LEPR: variants seen among roughly 807,000 people sequenced by gnomAD.
The protein encoded by LEPR is leptin receptor.
LEPR carries 56 observed loss-of-function variants against 114.7 expected under a neutral mutation model. That is an observed-to-expected ratio of 0.49 (90% CI 0.39 to 0.61). The LOEUF is 0.61. LEPR is among the 20% of genes least tolerant of loss of function. The pLI, the probability that LEPR is intolerant of heterozygous loss-of-function variation, is 0.00. For synonymous variants in LEPR, 443 were observed against 461.4 expected, an observed-to-expected ratio of 0.96 and a Z score of 0.51; for missense variants, 1,202 against 1,352.9, an observed-to-expected ratio of 0.89 and a Z score of 1.75.
At chr1:65,428,756 A>C (rs888371097) in intron 2 of LEPR, among the ~76,000 whole-genome samples, 9 of 152,228 alleles carry the variant, frequency 5.9e-5, no homozygotes, top group South Asian at 4.1e-4. Context: ...ATGAAGCATA[A>C]GAAATGTCTG....
intron 2 of LEPR, chr1:65,432,972 CA>C: frequency 1.0e-6 from 1 of 985,154 alleles, no homozygotes; most frequent in Non-Finnish European, 1.2e-6. Flanking sequence ...CTCTCTCCCC[CA>C]AAAAAACATC....
intron 2 of LEPR, among the ~76,000 whole-genome samples, chr1:65,445,828 G>C (rs1169455753): frequency 6.6e-6 from 1 of 151,800 alleles, no homozygotes. Flanking sequence ...AAATTAACCT[G>C]CTAACAGGAA....
chr1:65,588,873 A>G (rs1318112646), intron 5 of LEPR, among the ~76,000 whole-genome samples: 1 of 152,142 alleles, frequency 6.6e-6, no homozygotes, highest in Non-Finnish European at 1.5e-5. Flanking sequence ...TGACTGTTAC[A>G]AATGAAGTTG....
rs561038603 is a variant in LEPR, at chr1:65,623,994, T to A, written c.2673+1013T>A. Among the ~76,000 whole-genome samples the A allele has an allele frequency of 1.2e-4, 19 of 152,306 alleles. No individual in the cohort carries two copies. The Middle Eastern group carries it at 0.01, about 82-fold the overall frequency. On this transcript the variant is annotated intron_variant, in intron 19 of 19. Coordinates refer to ENST00000349533, the MANE Select transcript of LEPR (RefSeq NM_002303.6). The stretch of plus-strand genomic sequence containing the variant: ...AATTCAAAAGAATTTCTACCCCCTT[T>A]AAGTTCCTAGATCATTGTACTGTTT...
At chr1:65,556,592 G>A (rs1457918979) in intron 2 of LEPR, among the ~76,000 whole-genome samples, 1 of 152,066 alleles carries the variant, frequency 6.6e-6, no homozygotes, top group Non-Finnish European at 1.5e-5. Flanking sequence ...TCCAAAAAAT[G>A]GTTAAGAATC....
intron 2 of LEPR, among the ~76,000 whole-genome samples, chr1:65,490,035 G>A (rs1647781365): frequency 6.6e-6 from 1 of 152,060 alleles, no homozygotes; most frequent in African/African-American, 2.4e-5. Flanking sequence ...TACCTTTCAG[G>A]TATGCAATCT....
chr1:65,469,574 T>C (rs1243489400), intron 2 of LEPR, among the ~76,000 whole-genome samples: 1 of 152,156 alleles, frequency 6.6e-6, no homozygotes, highest in Non-Finnish European at 1.5e-5. Context: ...AAATTTGACA[T>C]TTACACCAGA....
At chr1:65,585,661 G>A (rs543443336) in intron 5 of LEPR, among the ~76,000 whole-genome samples, 169 of 152,054 alleles carry the variant, frequency 1.1e-3, no homozygotes, top group Non-Finnish European at 2.2e-3. Flanking sequence ...GTTTGTATAT[G>A]TGTATGTATA....
intron 2 of LEPR, among the ~76,000 whole-genome samples, chr1:65,438,337 G>A (rs1316535959): frequency 3.3e-5 from 5 of 151,644 alleles, no homozygotes; most frequent in African/African-American, 9.7e-5. Context: ...AGATTACGAG[G>A]TCAAGAGATC....
intron 2 of LEPR, among the ~76,000 whole-genome samples, chr1:65,515,883 C>G (rs1170042825): frequency 2.0e-5 from 3 of 152,104 alleles, no homozygotes; most frequent in African/African-American, 4.8e-5. Context: ...ATTGCTAGCA[C>G]TTAAGATAGT....
chr1:65,514,995 T>C (rs1018200828), intron 2 of LEPR, among the ~76,000 whole-genome samples: 1 of 152,206 alleles, frequency 6.6e-6, no homozygotes, highest in African/African-American at 2.4e-5. Context: ...ACCAAATAAA[T>C]TTATAAACGA....
intron 2 of LEPR, chr1:65,525,558 C>G (rs957807113): frequency 3.3e-6 from 3 of 906,878 alleles, no homozygotes; most frequent in Non-Finnish European, 4.0e-6. Flanking sequence ...GGGGCGGCTG[C>G]GGAGGGCGCG....
chr1:65,464,103 G>A (rs905435275), intron 2 of LEPR, among the ~76,000 whole-genome samples: 3 of 152,096 alleles, frequency 2.0e-5, no homozygotes, highest in African/African-American at 7.2e-5. Context: ...GTCTTGTGCT[G>A]GTTTTCAAAG....
chr1:65,467,616 T>C (rs1393919588), intron 2 of LEPR, among the ~76,000 whole-genome samples: 2 of 152,212 alleles, frequency 1.3e-5, no homozygotes, highest in Non-Finnish European at 2.9e-5. Context: ...CTGCTACCTT[T>C]TGTTCTACTA....
intron 2 of LEPR, among the ~76,000 whole-genome samples, chr1:65,443,270 T>C (rs1003979755): frequency 2.0e-5 from 3 of 151,902 alleles, no homozygotes; most frequent in African/African-American, 7.3e-5. Context: ...AATTAGAAAA[T>C]GCACTGGGCA....
chr1:65,546,302 G>A (rs1162428431), intron 2 of LEPR, among the ~76,000 whole-genome samples: 1 of 152,114 alleles, frequency 6.6e-6, no homozygotes, highest in Non-Finnish European at 1.5e-5. Context: ...CTCTTTTTTG[G>A]TTCCATGTGA....
At chr1:65,457,123 G>A (rs951682566) in intron 2 of LEPR, among the ~76,000 whole-genome samples, 1 of 151,922 alleles carries the variant, frequency 6.6e-6, no homozygotes, top group Non-Finnish European at 1.5e-5. Flanking sequence ...CCTATCCCTT[G>A]TGTCAATGCT....
At chr1:65,598,543 A>G (rs1372900877) in intron 7 of LEPR, 117 bp from the exon 8 acceptor site, 1 of 1,445,974 alleles carries the variant, frequency 6.9e-7, no homozygotes, top group Admixed American at 2.0e-5. Context: ...CTGTGGCCAG[A>G]TAACTACTGT....
At chr1:65,491,636 A>G (rs1208038581) in intron 2 of LEPR, among the ~76,000 whole-genome samples, 1 of 152,102 alleles carries the variant, frequency 6.6e-6, no homozygotes, top group Non-Finnish European at 1.5e-5. Flanking sequence ...CAAGGTATCT[A>G]TGGCGTAAAA....
Sources: gnomAD v4.1 joint callset for allele counts (sites outside exome capture counted in the v4.1 genomes callset) on GRCh38, gnomAD v4.1.1 for gene constraint, MANE v1.5 for transcripts, NCBI Gene and HGNC (gene_info 2026-07-23, HGNC 2026-07-21) for gene names.